The following ZNF131 variants were observed in gnomAD, a reference collection of about 807,000 sequenced individuals.
The protein encoded by ZNF131 is zinc finger and BTB domain containing 35.
ZNF131 carries 7 observed loss-of-function variants against 60.0 expected under a neutral mutation model. The ratio of observed to expected loss-of-function variants is 0.12; its 90% confidence interval spans 0.07 to 0.22. ZNF131 has a LOEUF of 0.22. Among genes scored for constraint, ZNF131 ranks in the 10% least tolerant of loss-of-function variants. The pLI, the probability that ZNF131 is intolerant of heterozygous loss-of-function variation, is 1.00. For synonymous variants in ZNF131, 257 were observed against 253.2 expected (o/e 1.01, Z -0.14); for missense variants, 493 against 740.9 (o/e 0.67, Z 3.88).
chr5:43,146,447 G>A (rs576649885), intron 4 of ZNF131, among the ~76,000 whole-genome samples: 1 of 151,928 alleles, frequency 6.6e-6, no homozygotes, highest in Non-Finnish European at 1.5e-5. Flanking sequence ...AAATTAGCTG[G>A]GTGTGGTGGC....
At chr5:43,159,695 CAA>C (rs35599400) in intron 4 of ZNF131, among the ~76,000 whole-genome samples, 9 of 93,344 alleles carry the variant, frequency 9.6e-5, no homozygotes, top group African/African-American at 9.7e-5. Context: ...TACTCTGTCT[CAA>C]AAAAAAAAAA....
At chr5:43,127,028 T>C (rs750891517) in intron 3 of ZNF131, among the ~76,000 whole-genome samples, 1 of 152,168 alleles carries the variant, frequency 6.6e-6, no homozygotes, top group Non-Finnish European at 1.5e-5. Context: ...CACTACTGTT[T>C]TGAGTTTTGA....
intron 5 of ZNF131, chr5:43,168,124 A>G (rs1750583464): frequency 3.1e-6 from 1 of 326,640 alleles, no homozygotes; most frequent in South Asian, 2.6e-5. Flanking sequence ...TCATTGATCC[A>G]TGAATGGATT....
chr5:43,140,671 AGTTAAAAGATAAAATTTATT>A (rs1433502375), intron 4 of ZNF131, among the ~76,000 whole-genome samples: 19 of 152,368 alleles, frequency 1.2e-4, no homozygotes, highest in Admixed American at 3.9e-4. Context: ...GTTGTGGTTT[AGTTAAAAGATAAAATTTATT>A]TCTCTGAGGA....
chr5:43,170,943 AT>A (rs1254147629), intron 5 of ZNF131, among the ~76,000 whole-genome samples: 4 of 139,300 alleles, frequency 2.9e-5, no homozygotes, highest in Non-Finnish European at 6.2e-5. Context: ...GATTTTTTAA[AT>A]TTTTTTTTAA....
chr5:43,131,123 C>G (rs1025730838), intron 3 of ZNF131, among the ~76,000 whole-genome samples: 10 of 152,034 alleles, frequency 6.6e-5, no homozygotes, highest in Non-Finnish European at 1.0e-4. Context: ...TCTTGGCCTC[C>G]CAGAGTGCTG....
intron 3 of ZNF131, chr5:43,124,715 CT>C (rs1744288662): frequency 6.6e-6 from 1 of 152,162 alleles, no homozygotes; most frequent in Admixed American, 6.6e-5. Flanking sequence ...CAATTGCATA[CT>C]TTTCTCCTCA....
Position 43,175,219 on chromosome 5 carries a change from C to G in ZNF131, c.*86C>G. ...TTTGACTGTCCTTAATTAAGCCTAA[C>G]AGACAAGTGGACCAAAGTTAAGCTG... On this transcript the variant is annotated 3_prime_UTR_variant, in exon 7 of 7. Transcript: ENST00000682664. 7.4e-7 allele frequency: 1 copy of G among 1,350,896 alleles called. No individual in the cohort carries two copies. Among genetic ancestry groups the G allele is most frequent in the Non-Finnish European group, 9.9e-7 (1 of 1,005,706 alleles). The allele number at this position is 1,350,896 out of a possible 1,614,324, so 83.7% of individuals were successfully genotyped here.
At chr5:43,150,762 A>T (rs1182336976) in intron 4 of ZNF131, among the ~76,000 whole-genome samples, 2 of 152,186 alleles carry the variant, frequency 1.3e-5, no homozygotes, top group Non-Finnish European at 2.9e-5. Flanking sequence ...GGGCAACAAG[A>T]GTGAAACTCT....
At chr5:43,169,881 T>A (rs915210716) in intron 5 of ZNF131, among the ~76,000 whole-genome samples, 2 of 151,730 alleles carry the variant, frequency 1.3e-5, no homozygotes, top group Admixed American at 6.6e-5. Flanking sequence ...ACCTCCGTCT[T>A]CTGGTTTCAA....
intron 4 of ZNF131, among the ~76,000 whole-genome samples, chr5:43,156,283 C>T (rs1246928110): frequency 6.6e-6 from 1 of 152,200 alleles, no homozygotes; most frequent in Non-Finnish European, 1.5e-5. Context: ...GTGAGTTTGG[C>T]ACCTTAATCT....
At chr5:43,159,162 T>C (rs183131118) in intron 4 of ZNF131, among the ~76,000 whole-genome samples, 292 of 152,306 alleles carry the variant, frequency 1.9e-3, no homozygotes, top group Non-Finnish European at 3.7e-3. Context: ...AAAATTTTTA[T>C]AGTGGGCTAC....
intron 4 of ZNF131, among the ~76,000 whole-genome samples, chr5:43,144,639 C>G (rs1288045658): frequency 1.3e-5 from 2 of 152,088 alleles, no homozygotes; most frequent in Non-Finnish European, 1.5e-5. Flanking sequence ...ACAGTAGTTG[C>G]AATGATAAAC....
intron 5 of ZNF131, among the ~76,000 whole-genome samples, chr5:43,163,727 C>T (rs900252139): frequency 2.6e-5 from 4 of 152,140 alleles, no homozygotes; most frequent in Admixed American, 2.6e-4. Context: ...ACATTTGTTC[C>T]CAAGTCTTTG....
At chr5:43,169,879 C>G (rs530234896) in intron 5 of ZNF131, among the ~76,000 whole-genome samples, 1 of 151,768 alleles carries the variant, frequency 6.6e-6, no homozygotes, top group East Asian at 1.9e-4. Context: ...CAACCTCCGT[C>G]TTCTGGTTTC....
intron 5 of ZNF131, among the ~76,000 whole-genome samples, chr5:43,168,796 AAG>A (rs2112067903): frequency 6.6e-6 from 1 of 152,276 alleles, no homozygotes; most frequent in Admixed American, 6.5e-5. Flanking sequence ...GTTAGCGGAA[AAG>A]AGAGATTTGA....
chr5:43,146,008 A>G (rs573581442), intron 4 of ZNF131, among the ~76,000 whole-genome samples: 1 of 152,304 alleles, frequency 6.6e-6, no homozygotes, highest in Admixed American at 6.5e-5. Flanking sequence ...TGGCGTAAAT[A>G]TTTGTCATCA....
In ZNF131 at chr5:43,122,004, T is replaced by G. The variant is rs777419048; in HGVS notation, c.-15-35T>G. 9.4e-6 allele frequency: 15 copies of G among 1,600,482 alleles called. No individual in the cohort carries two copies. The Admixed American group carries it at 1.9e-4, about 21-fold the overall frequency. On this transcript the variant is annotated intron_variant, in intron 1 of 6. Coordinates refer to ENST00000682664, the MANE Select transcript of ZNF131 (RefSeq NM_001330707.2). The stretch of plus-strand genomic sequence containing the variant: ...AGGGGTTTTGTTCCTCGGCTCGAGC[T>G]CATGGGTGTACATTATCATGCTCTT...
At chr5:43,162,910 GAAAA>G (rs200731861) in intron 5 of ZNF131, among the ~76,000 whole-genome samples, 7 of 66,750 alleles carry the variant, frequency 1.0e-4, no homozygotes, top group Admixed American at 2.5e-4. Flanking sequence ...TGTCTCAAGG[GAAAA>G]AAAAAAAAAA....
Sources: allele counts gnomAD v4.1 joint callset (sites outside exome capture counted in the v4.1 genomes callset), GRCh38; gene constraint gnomAD v4.1.1; transcripts MANE v1.5; gene names NCBI Gene and HGNC (gene_info 2026-07-23, HGNC 2026-07-21).